PCDH11X: variants seen among roughly 807,000 people sequenced by gnomAD.
PCDH11X encodes protocadherin 11 X-linked, also known as protocadherin-11 X-linked.
In PCDH11X, 18 loss-of-function variants were observed where a neutral mutation model predicts 53.3. The ratio of observed to expected loss-of-function variants is 0.34; its 90% CI spans 0.23 to 0.50. The LOEUF (loss-of-function observed/expected upper bound fraction) is 0.50, where lower values mean the gene tolerates loss of function less well. Among genes scored for constraint, PCDH11X ranks in the 20% least tolerant of loss-of-function variants. PCDH11X has a pLI of 0.98. For missense variants in PCDH11X, 570 were observed against 1,032.4 expected (o/e 0.55, Z 6.14); for synonymous variants, 279 against 393.3 (o/e 0.71, Z 3.44).
chrX:92,328,964 A>G (rs1016701079), intron 8 of PCDH11X, among the ~76,000 whole-genome samples: 4 of 111,259 alleles, frequency 3.6e-5, no homozygotes, highest in Admixed American at 2.9e-4. Flanking sequence ...TACCAAAACC[A>G]GAAACAAATA....
chrX:91,870,454 C>T (rs1476184872), intron 5 of PCDH11X, among the ~76,000 whole-genome samples: 1 of 110,325 alleles, frequency 9.1e-6, no homozygotes, highest in Non-Finnish European at 1.9e-5. Context: ...TGAGTGCCTA[C>T]TCTTTTGTCA....
intron 8 of PCDH11X, among the ~76,000 whole-genome samples, chrX:92,363,964 G>T (rs1286262398): frequency 9.0e-6 from 1 of 111,298 alleles, no homozygotes; most frequent in African/African-American, 3.3e-5. Flanking sequence ...TACAGTCATT[G>T]ATTTTTGTAT....
At chrX:92,206,518 T>A (rs995252206) in intron 7 of PCDH11X, among the ~76,000 whole-genome samples, 1 of 110,949 alleles carries the variant, frequency 9.0e-6, no homozygotes, top group African/African-American at 3.3e-5. Flanking sequence ...TTTTAAAAAA[T>A]TTTTAATTTA....
At chrX:92,564,403 CT>C (rs1921216631) in intron 10 of PCDH11X, among the ~76,000 whole-genome samples, 1 of 102,249 alleles carries the variant, frequency 9.8e-6, no homozygotes, top group African/African-American at 3.5e-5. Context: ...ACAGTATGTA[CT>C]TGTACAAAAA....
At chrX:92,402,114 T>C (rs1325467650) in intron 9 of PCDH11X, among the ~76,000 whole-genome samples, 2 of 111,209 alleles carry the variant, frequency 1.8e-5, no homozygotes, top group Admixed American at 1.9e-4. Flanking sequence ...GTCTAGGTTC[T>C]GTCAATAACT....
chrX:92,239,614 A>G lies in PCDH11X; in HGVS notation c.3115-23500A>G, dbSNP rs753069001. On this transcript the variant is annotated intron_variant, in intron 7 of 10. Transcript: ENST00000682573. ...TGACAATACATATTACTCTCTCGCC[A>G]GACAACTAAAGAGATCGATGTGTCA... Among the ~76,000 whole-genome samples, 265 of 112,025 alleles carry G rather than the reference A, an allele frequency of 2.4e-3. 1 individual carries two copies. Among genetic ancestry groups the G allele is most frequent in the Middle Eastern group, 4.7e-3 (1 of 214 alleles).
intron 5 of PCDH11X, chrX:91,876,553 T>A (rs1295319411): frequency 1.1e-5 from 5 of 473,563 alleles, no homozygotes; most frequent in Non-Finnish European, 1.3e-5. Flanking sequence ...TAAAGTAACT[T>A]GTTTGTAATC....
At position 91,961,281 on chromosome X, in the gene PCDH11X, A is replaced by G. The variant is rs1311524329; in HGVS notation, c.3033+82008A>G. On this transcript the variant is annotated intron_variant, in intron 6 of 10. Coordinates refer to ENST00000682573, the MANE Select transcript of PCDH11X (RefSeq NM_032968.5). ...GCAGAAAAACAATTTGACAAGCTTT[A>G]CCAAATTAGGTAAAGAAAAAATATA... is the stretch of plus-strand genomic sequence containing the variant. Among the ~76,000 whole-genome samples the G allele has an allele frequency of 3.3e-5, 3 of 89,870 alleles. No homozygotes were observed. In the Admixed American group the frequency reaches 3.9e-4, roughly 12 times the overall value. The allele number at this position is 89,870 out of a possible 115,157, so 78.0% of individuals were successfully genotyped here. A position where few individuals can be genotyped will look rare whatever the true frequency, so the allele number is the denominator to read the frequency against.
chrX:92,280,261 C>G (rs933653965), intron 8 of PCDH11X, among the ~76,000 whole-genome samples: 4 of 111,446 alleles, frequency 3.6e-5, no homozygotes, highest in African/African-American at 1.3e-4. Context: ...GAATGTATCT[C>G]CATTGTCAGC....
intron 7 of PCDH11X, among the ~76,000 whole-genome samples, chrX:92,241,822 CAA>C (rs2067266484): frequency 9.0e-6 from 1 of 111,689 alleles, no homozygotes; most frequent in Non-Finnish European, 1.9e-5. Context: ...AAGGATAAAA[CAA>C]AGAGATCTCC....
At chrX:92,465,324 A>G (rs1230966287) in intron 9 of PCDH11X, among the ~76,000 whole-genome samples, 4 of 111,860 alleles carry the variant, frequency 3.6e-5, no homozygotes, top group Non-Finnish European at 7.5e-5. Flanking sequence ...TTATATTTCA[A>G]TTGACTCTAG....
intron 9 of PCDH11X, among the ~76,000 whole-genome samples, chrX:92,417,630 A>C (rs947886346): frequency 1.8e-5 from 2 of 110,933 alleles, no homozygotes; most frequent in African/African-American, 6.5e-5. Context: ...TTTTTGTTAA[A>C]CTATATTTCT....
chrX:92,117,085 C>T (rs1031067700), intron 6 of PCDH11X, among the ~76,000 whole-genome samples: 4 of 108,358 alleles, frequency 3.7e-5, no homozygotes, highest in African/African-American at 1.4e-4. Context: ...CTAAGATTTC[C>T]TCCAGTTCAA....
intron 10 of PCDH11X, among the ~76,000 whole-genome samples, chrX:92,592,994 C>A (rs1925191442): frequency 9.1e-6 from 1 of 110,471 alleles, no homozygotes; most frequent in South Asian, 3.9e-4. Context: ...AATGAATTGG[C>A]TTAATGAATA....
At chrX:91,923,064 T>C (rs1390340483) in intron 6 of PCDH11X, among the ~76,000 whole-genome samples, 1 of 108,595 alleles carries the variant, frequency 9.2e-6, no homozygotes, top group Non-Finnish European at 1.9e-5. Flanking sequence ...AATATATACA[T>C]ACTGTGCTAC....
intron 8 of PCDH11X, among the ~76,000 whole-genome samples, chrX:92,369,467 G>A (rs191865186): frequency 1.6e-3 from 181 of 111,735 alleles, no homozygotes; most frequent in African/African-American, 5.5e-3. Context: ...AGTGGGATCT[G>A]CTGAGTGAGA....
intron 6 of PCDH11X, among the ~76,000 whole-genome samples, chrX:92,142,408 A>G (rs1396281562): frequency 9.1e-6 from 1 of 109,659 alleles, no homozygotes; most frequent in Admixed American, 9.8e-5. Context: ...ACATCTACAC[A>G]TACACATATC....
chrX:92,425,870 T>G (rs1603308132), intron 9 of PCDH11X, among the ~76,000 whole-genome samples: 1 of 81,386 alleles, frequency 1.2e-5, no homozygotes, highest in Admixed American at 1.5e-4. Context: ...CATGAGAAGC[T>G]ATTTCAAGAA....
Position 92,320,276 on chromosome X carries a change from G to A in PCDH11X, c.3144+57133G>A, listed in dbSNP as rs2069170919. Among the ~76,000 whole-genome samples, 7 of 111,266 alleles carry A rather than the reference G, an allele frequency of 6.3e-5. 1 individual carries two copies. The South Asian group carries it at 2.7e-3, about 42-fold the overall frequency. ...AAAGTTCTAGCTCACATGCCTCTGA[G>A]TTTTTCATCTGTTAATAGAATCCTG... is the stretch of plus-strand genomic sequence containing the variant. On this transcript the variant is annotated intron_variant, in intron 8 of 10. Transcript: ENST00000682573.
Sources: gnomAD v4.1 joint callset for allele counts (sites outside exome capture counted in the v4.1 genomes callset) on GRCh38, gnomAD v4.1.1 for gene constraint, MANE v1.5 for transcripts, NCBI Gene and HGNC (gene_info 2026-07-23, HGNC 2026-07-21) for gene names.